The following KCNH1 variants were observed in gnomAD, a reference collection of about 807,000 sequenced individuals.
KCNH1 encodes the protein voltage-gated delayed rectifier potassium channel KCNH1.
A neutral mutation model predicts 69.2 loss-of-function variants in KCNH1; 27 were observed. The observed-to-expected ratio is 0.39, with a 90% CI of 0.29 to 0.54. KCNH1 has a LOEUF of 0.54. Among genes scored for constraint, KCNH1 ranks in the 20% least tolerant of loss-of-function variants. KCNH1 has a pLI of 0.68. For missense variants in KCNH1, 798 were observed against 1,261.6 expected (o/e 0.63, Z 5.57); for synonymous variants, 456 against 487.7 (o/e 0.93, Z 0.86).
chr1:210,926,056 C>T (rs1422699999), intron 6 of KCNH1, among the ~76,000 whole-genome samples: 3 of 152,118 alleles, frequency 2.0e-5, no homozygotes, highest in East Asian at 1.9e-4. Flanking sequence ...GTCAGGAGTT[C>T]GAGACCAGCC....
chr1:210,917,149 AAGAG>A (rs890625863), intron 7 of KCNH1, among the ~76,000 whole-genome samples: 5 of 151,644 alleles, frequency 3.3e-5, no homozygotes, highest in Admixed American at 6.6e-5. Context: ...GTGTCTCAAA[AAGAG>A]AGAGAGAAAG....
At chr1:210,764,619 A>G (rs187246983) in intron 10 of KCNH1, among the ~76,000 whole-genome samples, 50 of 152,326 alleles carry the variant, frequency 3.3e-4, no homozygotes, top group Middle Eastern at 3.4e-3. Flanking sequence ...AAAATGTTCA[A>G]CATCACTATC....
chr1:211,056,918 C>T (rs1571612726), intron 5 of KCNH1, among the ~76,000 whole-genome samples: 1 of 152,246 alleles, frequency 6.6e-6, no homozygotes, highest in African/African-American at 2.4e-5. Flanking sequence ...AAAGCCCTCC[C>T]AAGAAAGATG....
At chr1:210,775,619 C>T (rs944952948) in intron 9 of KCNH1, 75 bp from the exon 10 acceptor site, 2 of 1,116,984 alleles carry the variant, frequency 1.8e-6, no homozygotes, top group Admixed American at 4.0e-5. Flanking sequence ...TCCCTCTATT[C>T]CCCAGAATTG....
At chr1:211,131,590 T>A (rs940759711) in intron 1 of KCNH1, among the ~76,000 whole-genome samples, 1 of 152,232 alleles carries the variant, frequency 6.6e-6, no homozygotes, top group Non-Finnish European at 1.5e-5. Flanking sequence ...AAAGGGCTCA[T>A]GGATTTTAGA....
chr1:210,870,550 T>G (rs1200963372), intron 7 of KCNH1, among the ~76,000 whole-genome samples: 1 of 152,208 alleles, frequency 6.6e-6, no homozygotes, highest in Non-Finnish European at 1.5e-5. Flanking sequence ...TGCTAACAGC[T>G]TCAGCCTCTG....
chr1:211,033,008 C>G (rs532498700), intron 5 of KCNH1, among the ~76,000 whole-genome samples: 208 of 152,242 alleles, frequency 1.4e-3, no homozygotes, highest in African/African-American at 4.8e-3. Context: ...TTGCAATCTA[C>G]TCATCTGACA....
chr1:211,040,831 A>G (rs1689982695), intron 5 of KCNH1, among the ~76,000 whole-genome samples: 1 of 152,164 alleles, frequency 6.6e-6, no homozygotes. Flanking sequence ...ATGGTCACAT[A>G]TCTACAAATC....
intron 6 of KCNH1, among the ~76,000 whole-genome samples, chr1:210,977,255 G>A (rs1245244356): frequency 6.6e-6 from 1 of 152,084 alleles, no homozygotes; most frequent in African/African-American, 2.4e-5. Flanking sequence ...GAGAACACTA[G>A]GACACAGGAA....
chr1:210,720,099 A>G (rs1480389168), intron 10 of KCNH1, among the ~76,000 whole-genome samples: 1 of 152,232 alleles, frequency 6.6e-6, no homozygotes, highest in Admixed American at 6.5e-5. Context: ...TTCTATGGCC[A>G]AACAGGACTA....
chr1:210,985,130 T>TC (rs1289312865), intron 6 of KCNH1, among the ~76,000 whole-genome samples: 4 of 152,050 alleles, frequency 2.6e-5, no homozygotes, highest in South Asian at 2.1e-4. Context: ...GGTGGTGATA[T>TC]CCCTTTATCA....
At chr1:210,783,760 T>C (rs1326079793) in intron 9 of KCNH1, among the ~76,000 whole-genome samples, 2 of 152,312 alleles carry the variant, frequency 1.3e-5, no homozygotes, top group Middle Eastern at 3.4e-3. Flanking sequence ...CCTGGACTGC[T>C]AGGTAAGAGG....
chr1:210,786,708 A>G (rs891357283), intron 9 of KCNH1, among the ~76,000 whole-genome samples: 2 of 152,072 alleles, frequency 1.3e-5, no homozygotes, highest in African/African-American at 2.4e-5. Flanking sequence ...ACTCAGCTCA[A>G]ACCCACAGAT....
intron 10 of KCNH1, among the ~76,000 whole-genome samples, chr1:210,691,806 G>A (rs946140233): frequency 7.9e-5 from 12 of 152,224 alleles, no homozygotes; most frequent in African/African-American, 2.9e-4. Context: ...ATGACTTAGG[G>A]TGAAACCCAG....
At chr1:211,050,989 T>TTTGTTG (rs6143600) in intron 5 of KCNH1, among the ~76,000 whole-genome samples, 57,997 of 150,246 alleles carry the variant, frequency 0.39, 11,551 homozygotes, top group South Asian at 0.46. Context: ...ATATTTTTGT[T>TTTGTTG]TTGTTGTTGT....
At chr1:211,106,665 C>T (rs532135914) in intron 2 of KCNH1, among the ~76,000 whole-genome samples, 4 of 149,802 alleles carry the variant, frequency 2.7e-5, no homozygotes, top group South Asian at 2.1e-4. Context: ...TGTGGTGGCA[C>T]GTGCCTGTAA....
intron 7 of KCNH1, among the ~76,000 whole-genome samples, chr1:210,866,454 A>C (rs752248944): frequency 1.3e-5 from 2 of 152,214 alleles, no homozygotes; most frequent in South Asian, 4.1e-4. Flanking sequence ...TAGGCAAAGA[A>C]TCTAAATAGA....
intron 6 of KCNH1, among the ~76,000 whole-genome samples, chr1:210,942,615 G>A (rs1202788735): frequency 6.6e-6 from 1 of 152,078 alleles, no homozygotes; most frequent in Non-Finnish European, 1.5e-5. Context: ...GGAGAATAAT[G>A]CCCCTTCTCT....
intron 7 of KCNH1, among the ~76,000 whole-genome samples, chr1:210,853,269 A>G (rs917647716): frequency 6.6e-6 from 1 of 152,152 alleles, no homozygotes; most frequent in African/African-American, 2.4e-5. Context: ...CTTAAAAGAG[A>G]TCACATCTAA....
Sources: allele counts gnomAD v4.1 joint callset (sites outside exome capture counted in the v4.1 genomes callset), GRCh38; gene constraint gnomAD v4.1.1; transcripts MANE v1.5; gene names NCBI Gene and HGNC (gene_info 2026-07-23, HGNC 2026-07-21).